The following LARP1B variants were observed in gnomAD, a reference collection of about 807,000 sequenced individuals.
LARP1B encodes la-related protein 1B.
In LARP1B, 76 loss-of-function variants were observed where a neutral mutation model predicts 114.2. That is an observed-to-expected ratio of 0.67 (90% CI 0.55 to 0.81). The LOEUF (loss-of-function observed/expected upper bound fraction) is 0.81, where lower values mean the gene tolerates loss of function less well. Ranked by LOEUF, LARP1B falls within the 30% of genes least tolerant of loss-of-function variation. The pLI is 0.00. For synonymous variants in LARP1B, 345 were observed against 348.0 expected (o/e 0.99, Z 0.10); for missense variants, 1,014 against 1,075.8 (o/e 0.94, Z 0.80).
At chr4:128,099,995 C>T (rs1394456715) in intron 8 of LARP1B, among the ~76,000 whole-genome samples, 1 of 151,354 alleles carries the variant, frequency 6.6e-6, no homozygotes, top group Non-Finnish European at 1.5e-5. Context: ...GCTCTTGTTG[C>T]CCAGGCTGGA....
chr4:128,159,890 C>T (rs1177665631), intron 11 of LARP1B, among the ~76,000 whole-genome samples: 1 of 152,112 alleles, frequency 6.6e-6, no homozygotes, highest in African/African-American at 2.4e-5. Context: ...GTCCCTGTTC[C>T]CCAAAAGAAG....
rs750990721 is a variant in LARP1B, at chr4:128,077,898, A to G, written c.153A>G (p.Lys51=). 5 of 1,613,812 alleles carry G rather than the reference A, an allele frequency of 3.1e-6. No individual in the cohort carries two copies. The South Asian group carries it at 4.4e-5, about 14-fold the overall frequency. Residue 51 remains lysine (K), a synonymous_variant, in exon 4 of 20, where the codon AAA becomes AAG. Transcript: ENST00000326639. ...NSDSKENRET[K]LNGPGENVSE... ...ACAGCAAAGAAAACCGGGAAACAAA[A>G]TTAAATGGTCCTGGTGAAAACGTCA... is the stretch of plus-strand genomic sequence containing the variant.
chr4:128,204,114 A>G (rs1452588252), intron 17 of LARP1B, among the ~76,000 whole-genome samples: 5 of 152,246 alleles, frequency 3.3e-5, no homozygotes, highest in Admixed American at 6.5e-5. Flanking sequence ...CCTATTCAAT[A>G]TAAATGTTGT....
At chr4:128,107,088 CACAG>C (rs763433521) in intron 8 of LARP1B, 47 bp from the exon 9 acceptor site, 2 of 1,482,350 alleles carry the variant, frequency 1.3e-6, no homozygotes, top group Non-Finnish European at 9.4e-7. Context: ...AGAAGTATAG[CACAG>C]ACAGTGAAAT....
rs1793027411 is a variant in LARP1B, at chr4:128,135,338, C to G, written c.1524+13150C>G. Among the ~76,000 whole-genome samples the G allele has an allele frequency of 2.0e-5, 3 of 152,004 alleles. No individual in the cohort carries two copies. The South Asian group carries it at 6.2e-4, about 32-fold the overall frequency. On this transcript the variant is annotated intron_variant, in intron 11 of 19. Coordinates refer to ENST00000326639, the MANE Select transcript of LARP1B (RefSeq NM_018078.4). ...ACTCTCATGTGAATGTAAAATGGTGCAGCCCTTATGGAATACAGGATGGCA... is the reference window on the plus strand; with the variant it reads ...ACTCTCATGTGAATGTAAAATGGTGGAGCCCTTATGGAATACAGGATGGCA...
chr4:128,214,076 A>C (rs1256085056), downstream of LARP1B, among the ~76,000 whole-genome samples: 1 of 146,716 alleles, frequency 6.8e-6, no homozygotes, highest in African/African-American at 2.5e-5. Context: ...CTCCCACCCG[A>C]ATATTGCGCT....
chr4:128,153,278 T>C (rs1733754609), intron 11 of LARP1B, among the ~76,000 whole-genome samples: 1 of 151,078 alleles, frequency 6.6e-6, no homozygotes, highest in Non-Finnish European at 1.5e-5. Flanking sequence ...CCACCACGCC[T>C]GGCCTTGGTT....
At chr4:128,097,540 CAG>C (rs1311114016) in intron 7 of LARP1B, among the ~76,000 whole-genome samples, 9 of 152,082 alleles carry the variant, frequency 5.9e-5, no homozygotes, top group South Asian at 2.1e-4. Context: ...CTGCCGACCT[CAG>C]GGGATCCACC....
In LARP1B at chr4:128,082,276, C is replaced by G. The variant is rs1382305402; in HGVS notation, c.329C>G (p.Thr110Arg). 1 of 1,613,728 alleles carries G rather than the reference C, an allele frequency of 6.2e-7. No homozygotes were observed. Among genetic ancestry groups the G allele is most frequent in the African/African-American group, 1.3e-5 (1 of 74,936 alleles). Residue 110 changes from threonine to arginine, a missense_variant, in exon 5 of 20, where the codon ACA (threonine) becomes AGA (arginine). Physicochemically the swap from Thr to Arg is moderately conservative, Grantham distance 71. Coordinates refer to ENST00000326639, the MANE Select transcript of LARP1B (RefSeq NM_018078.4). ...SRCQPEANKP[T>R]HNNRRNDTRS... ...TGTCAACCTGAAGCAAATAAACCAA[C>G]ACATAACAATAGGAGAAATGATACA... is the stretch of plus-strand genomic sequence containing the variant.
intron 11 of LARP1B, among the ~76,000 whole-genome samples, chr4:128,140,837 G>GT (rs1727727755): frequency 1.5e-5 from 2 of 135,066 alleles, no homozygotes; most frequent in African/African-American, 5.3e-5. Flanking sequence ...TTTTTTTTTG[G>GT]CAGAGTCTTG....
In LARP1B at chr4:128,121,935, G is replaced by T; in HGVS notation, c.1271G>T (p.Arg424Leu). 1 of 1,612,584 alleles carries T rather than the reference G, an allele frequency of 6.2e-7. No homozygotes were observed. Among genetic ancestry groups the T allele is most frequent in the Non-Finnish European group, 8.5e-7 (1 of 1,179,832 alleles). ...LFDEEIEQIG[R>L]KNTFTDWSDN... ...GATGAAGAGATTGAACAAATAGGACGAAAAAACACATTTACTGATTGGTCT... is the reference window on the plus strand; with the variant it reads ...GATGAAGAGATTGAACAAATAGGACTAAAAAACACATTTACTGATTGGTCT... Residue 424 changes from arginine to leucine, a missense_variant, in exon 11 of 20, where the codon CGA becomes CTA. Coordinates refer to ENST00000326639, the MANE Select transcript of LARP1B (RefSeq NM_018078.4).
At chr4:128,114,912 T>C (rs991290832) in intron 10 of LARP1B, among the ~76,000 whole-genome samples, 170 bp downstream of exon 10, 1 of 152,152 alleles carries the variant, frequency 6.6e-6, no homozygotes, top group East Asian at 1.9e-4. Context: ...ATGAGGAAAA[T>C]AAGTTGTATC....
In LARP1B at chr4:128,069,480, T is replaced by C; in HGVS notation, c.-77-4980T>C. On this transcript the variant is annotated intron_variant, in intron 1 of 19. Transcript: ENST00000326639. ...AACTTGGTTGGCCTTGTAGCCCAGC[T>C]GGTGCGCTTTATCAAGCCAGATGGG... 2.7e-6 allele frequency: 2 copies of C among 754,426 alleles called. 1 individual carries two copies. Among genetic ancestry groups the C allele is most frequent in the South Asian group, 2.7e-5 (2 of 73,796 alleles). 46.7% of individuals were successfully genotyped at this position (754,426 alleles called of 1,614,324 possible). A position where few individuals can be genotyped will look rare whatever the true frequency, so the allele number is the denominator to read the frequency against.
chr4:128,185,534 G>T (rs1021243560), intron 15 of LARP1B, among the ~76,000 whole-genome samples: 17 of 146,382 alleles, frequency 1.2e-4, no homozygotes, highest in African/African-American at 2.8e-4. Context: ...TATTTGTATT[G>T]TTTTTTTTTT....
chr4:128,155,949 C>T (rs1018877336), intron 11 of LARP1B: 8 of 1,523,216 alleles, frequency 5.3e-6, no homozygotes, highest in Admixed American at 1.7e-5. Context: ...GCGGTACCAG[C>T]GGCACCAGCA....
intron 11 of LARP1B, among the ~76,000 whole-genome samples, chr4:128,138,190 A>G (rs980180308): frequency 2.2e-4 from 33 of 152,286 alleles, no homozygotes; most frequent in East Asian, 7.7e-4. Flanking sequence ...TCAGGACTTA[A>G]TTTTTCAAAA....
chr4:128,092,928 G>C, intron 7 of LARP1B: 1 of 985,404 alleles, frequency 1.0e-6, no homozygotes, highest in Non-Finnish European at 1.2e-6. Context: ...CTCCATGTCA[G>C]GATAATCGGC....
intron 1 of LARP1B, among the ~76,000 whole-genome samples, chr4:128,063,367 G>A (rs1192341002): frequency 7.3e-6 from 1 of 136,508 alleles, no homozygotes; most frequent in Non-Finnish European, 1.5e-5. Flanking sequence ...GGTGGAGGTT[G>A]CAGTGAGCCG....
chr4:128,100,422 G>A (rs1368618120), intron 8 of LARP1B, among the ~76,000 whole-genome samples: 16 of 151,902 alleles, frequency 1.1e-4, no homozygotes, highest in Admixed American at 1.0e-3. Flanking sequence ...ACAGGCGCAC[G>A]CCACCAAGCC....
Sources: gnomAD v4.1 joint callset for allele counts (sites outside exome capture counted in the v4.1 genomes callset) on GRCh38, gnomAD v4.1.1 for gene constraint, MANE v1.5 for transcripts, NCBI Gene and HGNC (gene_info 2026-07-23, HGNC 2026-07-21) for gene names.